ALK: variants seen among roughly 807,000 people sequenced by gnomAD.
The protein encoded by ALK is ALK receptor tyrosine kinase.
ALK carries 74 observed loss-of-function variants against 163.1 expected under a neutral mutation model. That is an observed-to-expected ratio of 0.45 (90% CI 0.38 to 0.55). The LOEUF (loss-of-function observed/expected upper bound fraction) is 0.55, where lower values mean the gene tolerates loss of function less well. Among genes scored for constraint, ALK ranks in the 20% least tolerant of loss-of-function variants. ALK has a pLI of 0.00. For missense variants in ALK, 2,063 were observed against 2,105.3 expected (o/e 0.98, Z 0.39); for synonymous variants, 960 against 843.2 (o/e 1.14, Z -2.40).
At chr2:29,829,796 G>A (rs1665312604) in intron 1 of ALK, among the ~76,000 whole-genome samples, 1 of 152,208 alleles carries the variant, frequency 6.6e-6, no homozygotes, top group Admixed American at 6.5e-5. Flanking sequence ...AGCTATGGAT[G>A]TATGTATCTA....
At chr2:29,471,736 TTTTC>T (rs1671351201) in intron 4 of ALK, among the ~76,000 whole-genome samples, 1 of 119,408 alleles carries the variant, frequency 8.4e-6, no homozygotes, top group South Asian at 3.3e-4. Context: ...AATAACTTTC[TTTTC>T]TTTTTTTTTT....
intron 1 of ALK, among the ~76,000 whole-genome samples, chr2:29,798,537 C>T (rs950678975): frequency 6.6e-6 from 1 of 152,194 alleles, no homozygotes; most frequent in African/African-American, 2.4e-5. Context: ...AGTACAAAAA[C>T]CCCCGCTCCT....
At chr2:29,213,898 G>A (rs2148158993) in intron 24 of ALK, 86 bp downstream of exon 24, 1 of 1,147,242 alleles carries the variant, frequency 8.7e-7, no homozygotes, top group Non-Finnish European at 1.3e-6. Context: ...CTGCTCTGAA[G>A]GGGGAAATGT....
At chr2:29,560,508 C>T (rs1178784385) in intron 3 of ALK, among the ~76,000 whole-genome samples, 1 of 152,146 alleles carries the variant, frequency 6.6e-6, no homozygotes, top group Non-Finnish European at 1.5e-5. Flanking sequence ...ATTGTGGTGA[C>T]AGTTGCACAA....
intron 5 of ALK, among the ~76,000 whole-genome samples, chr2:29,368,302 C>T (rs1210141076): frequency 2.0e-5 from 3 of 152,184 alleles, no homozygotes; most frequent in African/African-American, 7.2e-5. Context: ...AGGAATTCTA[C>T]ACCCCACAAA....
intron 12 of ALK, among the ~76,000 whole-genome samples, chr2:29,242,639 G>A (rs141393823): frequency 7.7e-4 from 117 of 152,188 alleles, no homozygotes; most frequent in African/African-American, 2.6e-3. Context: ...TCTTGTCCCC[G>A]TTCTTCTGGC....
chr2:29,255,231 G>T (rs1377804397), intron 11 of ALK, among the ~76,000 whole-genome samples: 1 of 152,156 alleles, frequency 6.6e-6, no homozygotes, highest in Non-Finnish European at 1.5e-5. Context: ...GGGCTGTCCT[G>T]CTTCTCATGT....
intron 4 of ALK, among the ~76,000 whole-genome samples, chr2:29,418,077 C>T (rs753024514): frequency 2.7e-4 from 41 of 152,174 alleles, no homozygotes; most frequent in Non-Finnish European, 5.7e-4. Flanking sequence ...TTACTTACAG[C>T]CCATAAGAAG....
chr2:29,559,762 CAT>C (rs368148979), intron 3 of ALK, among the ~76,000 whole-genome samples: 1,129 of 75,338 alleles, frequency 0.015, 7 homozygotes, highest in Non-Finnish European at 0.029. Context: ...CACAGGGGAG[CAT>C]GTACGTGTGT....
At position 29,417,436 on chromosome 2, in the gene ALK, G is replaced by A. The variant is rs567215093; in HGVS notation, c.1155-33577C>T. ...AAACTTGTATTGTAAAATGAGTTCTGTAGAAGCTACAAAGAACACAGATTC... is the reference window on the plus strand; with the variant it reads ...AAACTTGTATTGTAAAATGAGTTCTATAGAAGCTACAAAGAACACAGATTC... On this transcript the variant is annotated intron_variant, in intron 4 of 28. Coordinates refer to ENST00000389048, the MANE Select transcript of ALK (RefSeq NM_004304.5). 3.9e-5 allele frequency among the ~76,000 whole-genome samples: 6 copies of A among 152,216 alleles called. 1 individual carries two copies. The South Asian group carries it at 1.2e-3, about 32-fold the overall frequency.
intron 1 of ALK, among the ~76,000 whole-genome samples, chr2:29,771,056 G>GAC (rs1681009216): frequency 6.6e-6 from 1 of 151,410 alleles, no homozygotes; most frequent in African/African-American, 2.4e-5. Context: ...CACATACACA[G>GAC]ACAAGCATTA....
At chr2:29,205,350 T>C (rs1669284539) in intron 26 of ALK, among the ~76,000 whole-genome samples, 1 of 152,244 alleles carries the variant, frequency 6.6e-6, no homozygotes, top group African/African-American at 2.4e-5. Flanking sequence ...GTGTAACACA[T>C]TGGCTGGTGG....
At chr2:29,242,197 C>A (rs961709331) in intron 12 of ALK, among the ~76,000 whole-genome samples, 93 of 152,184 alleles carry the variant, frequency 6.1e-4, no homozygotes, top group Non-Finnish European at 8.8e-5. Context: ...TGGGCCCCAA[C>A]TCTGTCCTGC....
intron 3 of ALK, among the ~76,000 whole-genome samples, chr2:29,673,166 A>T (rs1252599034): frequency 6.9e-6 from 1 of 145,976 alleles, no homozygotes; most frequent in Admixed American, 6.7e-5. Context: ...CGCTGTACAG[A>T]AGCTCTTTAG....
intron 3 of ALK, among the ~76,000 whole-genome samples, chr2:29,649,193 T>C (rs1467677341): frequency 1.3e-5 from 2 of 150,378 alleles, no homozygotes; most frequent in African/African-American, 5.0e-5. Flanking sequence ...ACAATGTGTG[T>C]GTGTGAGAGA....
intron 1 of ALK, among the ~76,000 whole-genome samples, chr2:29,858,597 GC>G (rs1318707740): frequency 6.6e-6 from 1 of 150,962 alleles, no homozygotes; most frequent in African/African-American, 2.4e-5. Context: ...AAAAAAATTA[GC>G]CGCTCGTGGT....
intron 3 of ALK, among the ~76,000 whole-genome samples, chr2:29,631,274 G>A (rs1479836780): frequency 6.6e-6 from 1 of 152,230 alleles, no homozygotes; most frequent in Non-Finnish European, 1.5e-5. Context: ...TGCAGATGAA[G>A]TAAAACTTTG....
chr2:29,733,611 A>G (rs1353739421), intron 1 of ALK, among the ~76,000 whole-genome samples: 6 of 152,246 alleles, frequency 3.9e-5, no homozygotes. Context: ...AGCACTTAGC[A>G]CAATGCCTAG....
chr2:29,837,975 TAAAGAAAC>T (rs1348022863), intron 1 of ALK, among the ~76,000 whole-genome samples: 6 of 152,092 alleles, frequency 3.9e-5, no homozygotes, highest in African/African-American at 1.4e-4. Context: ...ATGAATTTAA[TAAAGAAAC>T]AAAGAAACAA....
Sources: allele counts gnomAD v4.1 joint callset (sites outside exome capture counted in the v4.1 genomes callset), GRCh38; gene constraint gnomAD v4.1.1; transcripts MANE v1.5; gene names NCBI Gene and HGNC (gene_info 2026-07-23, HGNC 2026-07-21).